PDE9A: variants seen among roughly 807,000 people sequenced by gnomAD.
The protein encoded by PDE9A is phosphodiesterase 9A, also known as high affinity cGMP-specific 3',5'-cyclic phosphodiesterase 9A.
PDE9A carries 60 observed loss-of-function variants against 87.4 expected under a neutral mutation model. The ratio of observed to expected loss-of-function variants is 0.69; its 90% CI spans 0.56 to 0.85. PDE9A has a LOEUF of 0.85. Ranked by LOEUF, PDE9A falls within the 40% of genes least tolerant of loss-of-function variation. PDE9A has a pLI of 0.00. For synonymous variants in PDE9A, 272 were observed against 279.4 expected, an observed-to-expected ratio of 0.97 and a Z score of 0.27; for missense variants, 665 against 779.0, an observed-to-expected ratio of 0.85 and a Z score of 1.74.
intron 1 of PDE9A, among the ~76,000 whole-genome samples, chr21:42,680,228 G>A (rs1271830108): frequency 6.6e-6 from 1 of 152,222 alleles, no homozygotes; most frequent in Non-Finnish European, 1.5e-5. Flanking sequence ...CTCACTGACA[G>A]TCGCCACCAG....
intron 10 of PDE9A, 96 bp downstream of exon 10, chr21:42,754,160 G>A: frequency 3.0e-6 from 2 of 669,104 alleles, no homozygotes; most frequent in Non-Finnish European, 5.2e-6. Flanking sequence ...CCTCCTTCTT[G>A]CTTTTTCCTC....
chr21:42,676,873 A>C (rs2146045223), intron 1 of PDE9A, among the ~76,000 whole-genome samples: 1 of 152,366 alleles, frequency 6.6e-6, no homozygotes, highest in Middle Eastern at 3.4e-3. Flanking sequence ...TCAAGTTACA[A>C]GAGTAAATAA....
At chr21:42,735,327 G>A (rs1037007726) in intron 7 of PDE9A, among the ~76,000 whole-genome samples, 1 of 152,204 alleles carries the variant, frequency 6.6e-6, no homozygotes, top group Non-Finnish European at 1.5e-5. Flanking sequence ...TCTAGACAGA[G>A]CCAGGCCGCG....
At chr21:42,683,880 T>G (rs1192821467) in intron 1 of PDE9A, among the ~76,000 whole-genome samples, 1 of 152,206 alleles carries the variant, frequency 6.6e-6, no homozygotes, top group African/African-American at 2.4e-5. Flanking sequence ...GTGCCCTTTG[T>G]GCCCAGGAGG....
intron 19 of PDE9A, 93 bp from the exon 20 acceptor site, chr21:42,775,187 A>C (rs149670851): frequency 3.3e-6 from 4 of 1,204,864 alleles, no homozygotes; most frequent in Non-Finnish European, 4.9e-6. Flanking sequence ...TGATCCACCC[A>C]CCTTGGTCTC....
At chr21:42,751,273 C>T in intron 9 of PDE9A, 76 bp downstream of exon 9, 5 of 1,047,652 alleles carry the variant, frequency 4.8e-6, no homozygotes, top group South Asian at 2.5e-5. Context: ...GCCCTGCGGC[C>T]AGACCCTGCT....
chr21:42,664,653 AGAG>A (rs1442686670), intron 1 of PDE9A, among the ~76,000 whole-genome samples: 1 of 143,344 alleles, frequency 7.0e-6, no homozygotes, highest in Non-Finnish European at 1.5e-5. Flanking sequence ...AGGCAAGGAA[AGAG>A]GAGGGAAAGG....
chr21:42,657,444 A>G (rs1269765921), intron 1 of PDE9A, among the ~76,000 whole-genome samples: 1 of 152,232 alleles, frequency 6.6e-6, no homozygotes, highest in Non-Finnish European at 1.5e-5. Context: ...TGTGTCCTCT[A>G]GGAGCTGAAG....
intron 1 of PDE9A, among the ~76,000 whole-genome samples, chr21:42,681,502 G>T (rs1391094623): frequency 6.6e-6 from 1 of 152,186 alleles, no homozygotes; most frequent in Non-Finnish European, 1.5e-5. Flanking sequence ...GCTTGCCTGT[G>T]GTTGGCACCT....
At chr21:42,670,813 TCA>T (rs1336112505) in intron 1 of PDE9A, among the ~76,000 whole-genome samples, 4 of 151,970 alleles carry the variant, frequency 2.6e-5, no homozygotes, top group Non-Finnish European at 5.9e-5. Context: ...ACACATACAT[TCA>T]CACACACACG....
intron 4 of PDE9A, among the ~76,000 whole-genome samples, chr21:42,710,751 G>T (rs1010149074): frequency 1.2e-4 from 18 of 152,226 alleles, no homozygotes; most frequent in Admixed American, 2.0e-4. Flanking sequence ...TCTTTGGAAG[G>T]CCAAGGTGGG....
At chr21:42,732,162 G>T in intron 6 of PDE9A, 38 bp downstream of exon 6, 1 of 1,585,824 alleles carries the variant, frequency 6.3e-7, no homozygotes. Context: ...GCCAGAGATG[G>T]GCACATCTTT....
chr21:42,669,185 G>A (rs1282313394), intron 1 of PDE9A, among the ~76,000 whole-genome samples: 1 of 152,194 alleles, frequency 6.6e-6, no homozygotes, highest in East Asian at 1.9e-4. Context: ...GGAGGATGGA[G>A]TCCAAAATCT....
At chr21:42,713,505 A>T (rs1800201809) in intron 4 of PDE9A, among the ~76,000 whole-genome samples, 1 of 152,024 alleles carries the variant, frequency 6.6e-6, no homozygotes, top group African/African-American at 2.4e-5. Flanking sequence ...CTTAAATGGG[A>T]TATTGATTTG....
At chr21:42,740,604 TGG>T (rs2053048407) in intron 7 of PDE9A, among the ~76,000 whole-genome samples, 1 of 107,282 alleles carries the variant, frequency 9.3e-6, no homozygotes, top group African/African-American at 3.6e-5. Flanking sequence ...GATGGATGGA[TGG>T]ATGGATGGAT....
chr21:42,764,103 G>A (rs983461760), intron 14 of PDE9A, among the ~76,000 whole-genome samples: 2 of 152,218 alleles, frequency 1.3e-5, no homozygotes, highest in Non-Finnish European at 1.5e-5. Context: ...AAATGAGCAG[G>A]AGAACAGATG....
intron 9 of PDE9A, 125 bp from the exon 10 acceptor site, chr21:42,753,865 A>C: frequency 2.3e-6 from 1 of 440,642 alleles, no homozygotes; most frequent in Non-Finnish European, 4.0e-6. Flanking sequence ...CTATCTCAAA[A>C]AAAAAAAAAA....
chr21:42,690,622 T>C (rs2059770109), intron 3 of PDE9A, among the ~76,000 whole-genome samples: 1 of 152,012 alleles, frequency 6.6e-6, no homozygotes, highest in Non-Finnish European at 1.5e-5. Flanking sequence ...GTCTCCTTTG[T>C]GCCTTCTTCC....
rs2147081377 is a variant in PDE9A at position 42,759,243 on chromosome 21, C to T, written c.897+158C>T. On this transcript the variant is annotated intron_variant, in intron 11 of 19. Transcript: ENST00000291539. This position sits in a 1 kb window ranked among gnomAD's most constrained non-coding sequence, Gnocchi z 7.2. ...CCGGGAGTTCTGTGAGGACACTCAG[C>T]CTGTCTCTGTTCCTCCTTCCACCAA... Among the ~76,000 whole-genome samples the T allele has an allele frequency of 6.6e-6, 1 of 152,326 alleles. No homozygotes were observed. Among genetic ancestry groups the T allele is most frequent in the East Asian group, 1.9e-4 (1 of 5,188 alleles).
Sources: allele counts gnomAD v4.1 joint callset (sites outside exome capture counted in the v4.1 genomes callset), GRCh38; gene constraint gnomAD v4.1.1; non-coding constraint Gnocchi (gnomAD v3.1); transcripts MANE v1.5; gene names NCBI Gene and HGNC (gene_info 2026-07-23, HGNC 2026-07-21).